BPTF: variants seen among roughly 807,000 people sequenced by gnomAD.
The protein encoded by BPTF is bromodomain PHD finger transcription factor.
A neutral mutation model predicts 292.5 loss-of-function variants in BPTF; 18 were observed. That is an observed-to-expected ratio of 0.06 (90% CI 0.04 to 0.09). The LOEUF is 0.09. Ranked by LOEUF, BPTF falls within the 10% of genes least tolerant of loss-of-function variation. The pLI, the probability that BPTF is intolerant of heterozygous loss-of-function variation, is 1.00. For missense variants in BPTF, 2,726 were observed against 3,498.7 expected, an observed-to-expected ratio of 0.78 and a Z score of 5.57; for synonymous variants, 1,225 against 1,251.9, an observed-to-expected ratio of 0.98 and a Z score of 0.45.
intron 26 of BPTF, among the ~76,000 whole-genome samples, chr17:67,969,799 C>T (rs189054314): frequency 2.6e-4 from 39 of 151,506 alleles, no homozygotes; most frequent in Non-Finnish European, 5.2e-4. Context: ...CCTGTCTTTA[C>T]AAAAAAACAA....
chr17:67,852,871 C>A (rs1316375209), intron 1 of BPTF, among the ~76,000 whole-genome samples: 1 of 152,234 alleles, frequency 6.6e-6, no homozygotes, highest in Non-Finnish European at 1.5e-5. Flanking sequence ...TGCGGTGGCT[C>A]ACGCCTGTAA....
intron 23 of BPTF, among the ~76,000 whole-genome samples, chr17:67,958,864 G>A (rs1354976927): frequency 6.6e-6 from 1 of 152,210 alleles, no homozygotes; most frequent in Non-Finnish European, 1.5e-5. Context: ...CTACTTGGGA[G>A]GCTGAGGCAG....
chr17:67,974,809 T>G (rs1024067571), intron 26 of BPTF: 3 of 152,308 alleles, frequency 2.0e-5, no homozygotes, highest in African/African-American at 4.8e-5. Flanking sequence ...TGCCTCCACA[T>G]GTTCAGCTGT....
chr17:67,863,985 C>T (rs2059242716), intron 2 of BPTF, among the ~76,000 whole-genome samples: 2 of 152,106 alleles, frequency 1.3e-5, no homozygotes, highest in South Asian at 2.1e-4. Context: ...TTCTCTTTGC[C>T]ACCCTATGAG....
intron 3 of BPTF, among the ~76,000 whole-genome samples, chr17:67,869,387 G>A (rs2059576138): frequency 6.6e-6 from 1 of 152,152 alleles, no homozygotes; most frequent in African/African-American, 2.4e-5. Flanking sequence ...GTTAAGTGTT[G>A]TGATTTGGGG....
chr17:67,840,449 G>C (rs1292762675), intron 1 of BPTF, among the ~76,000 whole-genome samples: 1 of 147,526 alleles, frequency 6.8e-6, no homozygotes, highest in East Asian at 2.5e-4. Flanking sequence ...TTGGGTTGCT[G>C]CTGCTCCTCT....
chr17:67,882,862 G>C (rs1006651177), intron 4 of BPTF, among the ~76,000 whole-genome samples: 2 of 152,102 alleles, frequency 1.3e-5, no homozygotes, highest in Non-Finnish European at 2.9e-5. Context: ...GCTGGGCGTG[G>C]TGGTGCTTGC....
chr17:67,909,081 C>T (rs1008598253), intron 9 of BPTF, among the ~76,000 whole-genome samples: 10 of 151,864 alleles, frequency 6.6e-5, no homozygotes, highest in African/African-American at 2.2e-4. Context: ...GTGATGCACC[C>T]ACCTCGGCCC....
chr17:67,943,282 A>G (rs143406091), intron 19 of BPTF, among the ~76,000 whole-genome samples: 4 of 152,178 alleles, frequency 2.6e-5, no homozygotes, highest in African/African-American at 9.7e-5. Flanking sequence ...AAGAGTAAAT[A>G]AGTTTTGAGG....
chr17:67,888,659 C>G (rs949735093), intron 4 of BPTF, among the ~76,000 whole-genome samples: 1 of 151,392 alleles, frequency 6.6e-6, no homozygotes, highest in African/African-American at 2.4e-5. Flanking sequence ...ATCTCACAAT[C>G]CATGAGCCAC....
chr17:67,910,799 C>CA (rs929398503), intron 10 of BPTF, 78 bp from the exon 11 acceptor site: 11,959 of 896,440 alleles, frequency 0.013, no homozygotes, highest in Non-Finnish European at 0.015. Flanking sequence ...GACTCCATCT[C>CA]AAAAAAAAAA....
rs867965880 is a variant in BPTF at position 67,853,881 on chromosome 17, A to T, written c.614-59A>T. ...TTAGGGGGGTATATGTTCAAATAGGAAATTTGTAGAAATGATGTAATGTAT... is the reference window on the plus strand; with the variant it reads ...TTAGGGGGGTATATGTTCAAATAGGTAATTTGTAGAAATGATGTAATGTAT... On this transcript the variant is annotated intron_variant, in intron 1 of 27. Coordinates refer to ENST00000306378, the MANE Select transcript of BPTF (RefSeq NM_182641.4). 1.4e-5 allele frequency: 19 copies of T among 1,374,300 alleles called. No homozygotes were observed. The Middle Eastern group carries it at 2.2e-3, about 162-fold the overall frequency. The allele number at this position is 1,374,300 out of a possible 1,614,324, so 85.1% of individuals were successfully genotyped here.
chr17:67,929,252 G>A (rs1450691567), intron 16 of BPTF, 84 bp from the exon 17 acceptor site: 33 of 1,551,192 alleles, frequency 2.1e-5, no homozygotes, highest in East Asian at 1.6e-4. Flanking sequence ...CCTGCCACAC[G>A]TAGTTTCTCC....
intron 17 of BPTF, among the ~76,000 whole-genome samples, chr17:67,929,976 C>T (rs1372363366): frequency 1.3e-5 from 2 of 151,916 alleles, no homozygotes. Flanking sequence ...ATTAGCCAGG[C>T]GTGGTGGTGC....
At chr17:67,966,509 C>T (rs1229265402) in intron 25 of BPTF, 63 bp from the exon 26 acceptor site, 1 of 1,465,264 alleles carries the variant, frequency 6.8e-7, no homozygotes, top group Non-Finnish European at 9.5e-7. Context: ...AGTAACTCAA[C>T]CAGGAAACTT....
At chr17:67,904,972 T>A (rs111785673) in intron 9 of BPTF, 132 bp downstream of exon 9, 36 of 650,948 alleles carry the variant, frequency 5.5e-5, no homozygotes, top group African/African-American at 5.0e-4. Flanking sequence ...GAATTACTAG[T>A]TTAGTTTACT....
intron 1 of BPTF, among the ~76,000 whole-genome samples, chr17:67,844,362 C>T (rs1291188301): frequency 6.6e-6 from 1 of 151,702 alleles, no homozygotes; most frequent in Admixed American, 6.6e-5. Flanking sequence ...ATTCTCCTGC[C>T]TCAGCCTCCC....
chr17:67,873,086 A>T lies in BPTF; in HGVS notation c.1661-1731A>T, dbSNP rs541088691. ...CAAGAGTGAGACTCTGTCTCTAAAA[A>T]AGTAAAAAATAAATTTATAAAAAAG... On this transcript the variant is annotated intron_variant, in intron 3 of 27. Transcript: ENST00000306378. Among the ~76,000 whole-genome samples, 4 of 152,316 alleles carry T rather than the reference A, an allele frequency of 2.6e-5. No individual in the cohort carries two copies. The East Asian group carries it at 7.7e-4, about 29-fold the overall frequency.
intron 12 of BPTF, 112 bp downstream of exon 12, chr17:67,918,950 A>G (rs560572573): frequency 8.7e-7 from 1 of 1,146,158 alleles, no homozygotes; most frequent in East Asian, 3.0e-5. Flanking sequence ...AGGCAGGTGG[A>G]TCATGAGGTC....
Sources: gnomAD v4.1 joint callset for allele counts (sites outside exome capture counted in the v4.1 genomes callset) on GRCh38, gnomAD v4.1.1 for gene constraint, MANE v1.5 for transcripts, NCBI Gene and HGNC (gene_info 2026-07-23, HGNC 2026-07-21) for gene names.